The following TMEM132D variants were observed in gnomAD, a reference collection of about 807,000 sequenced individuals.
TMEM132D encodes the protein mature OL transmembrane protein.
Under a neutral mutation model 62.3 loss-of-function variants are expected in TMEM132D, and 21 were observed. The ratio of observed to expected loss-of-function variants is 0.34; its 90% CI spans 0.24 to 0.49. The LOEUF (loss-of-function observed/expected upper bound fraction) is 0.49. TMEM132D is among the 20% of genes least tolerant of loss of function. The pLI is 0.99. For synonymous variants in TMEM132D, 621 were observed against 575.6 expected, an observed-to-expected ratio of 1.08 and a Z score of -1.13; for missense variants, 1,346 against 1,402.8, an observed-to-expected ratio of 0.96 and a Z score of 0.65.
At chr12:129,535,878 T>C (rs1371142408) in intron 2 of TMEM132D, among the ~76,000 whole-genome samples, 1 of 151,872 alleles carries the variant, frequency 6.6e-6, no homozygotes, top group African/African-American at 2.4e-5. Context: ...AGAGAAGTTT[T>C]GCTATATAGA....
At chr12:129,625,031 C>A (rs1352926449) in intron 2 of TMEM132D, among the ~76,000 whole-genome samples, 1 of 152,196 alleles carries the variant, frequency 6.6e-6, no homozygotes, top group Non-Finnish European at 1.5e-5. Flanking sequence ...TGACAGATGC[C>A]TTCACATTTT....
intron 1 of TMEM132D, among the ~76,000 whole-genome samples, chr12:129,770,393 C>T (rs954320932): frequency 3.9e-5 from 6 of 152,150 alleles, no homozygotes; most frequent in South Asian, 2.1e-4. Flanking sequence ...CTGCCTGCCT[C>T]GGCCTCCCAA....
intron 5 of TMEM132D, among the ~76,000 whole-genome samples, chr12:129,176,491 T>C (rs1436213090): frequency 1.3e-5 from 2 of 152,256 alleles, no homozygotes; most frequent in Non-Finnish European, 2.9e-5. Flanking sequence ...TCCCTCTGCT[T>C]GGCCAAGGCC....
intron 3 of TMEM132D, among the ~76,000 whole-genome samples, chr12:129,479,072 A>C (rs1874354963): frequency 6.6e-6 from 1 of 152,220 alleles, no homozygotes; most frequent in South Asian, 2.1e-4. Flanking sequence ...TAGTTAGTTG[A>C]GACCATCTGC....
intron 5 of TMEM132D, among the ~76,000 whole-genome samples, chr12:129,092,638 T>C (rs1322825677): frequency 1.3e-5 from 2 of 152,130 alleles, no homozygotes; most frequent in Non-Finnish European, 2.9e-5. Flanking sequence ...GAGGTTGCAG[T>C]GAGCTGAGAC....
At chr12:129,670,739 C>T (rs1880483687) in intron 2 of TMEM132D, among the ~76,000 whole-genome samples, 1 of 152,168 alleles carries the variant, frequency 6.6e-6, no homozygotes, top group Admixed American at 6.6e-5. Flanking sequence ...TCTGTCTAGG[C>T]AGTAGGCAAG....
At chr12:129,394,411 T>C (rs1042142327) in intron 3 of TMEM132D, among the ~76,000 whole-genome samples, 2 of 152,222 alleles carry the variant, frequency 1.3e-5, no homozygotes, top group Admixed American at 6.5e-5. Context: ...AATACAATTA[T>C]TGAGATCAGT....
chr12:129,794,480 C>G (rs1871503018), intron 1 of TMEM132D, among the ~76,000 whole-genome samples: 1 of 152,002 alleles, frequency 6.6e-6, no homozygotes, highest in African/African-American at 2.4e-5. Flanking sequence ...TATACTTATT[C>G]ATTTATATTT....
chr12:129,868,217 G>A (rs1874122500), intron 1 of TMEM132D, among the ~76,000 whole-genome samples: 1 of 151,566 alleles, frequency 6.6e-6, no homozygotes, highest in Non-Finnish European at 1.5e-5. Context: ...ATGAGGCAGC[G>A]TTTCTATGGT....
intron 4 of TMEM132D, among the ~76,000 whole-genome samples, chr12:129,310,112 G>T (rs1881937611): frequency 6.6e-6 from 1 of 152,066 alleles, no homozygotes; most frequent in South Asian, 2.1e-4. Context: ...ATGAGGGCTG[G>T]CCAAGGAGTA....
At chr12:129,110,696 C>A (rs1470404048) in intron 5 of TMEM132D, 1 of 152,216 alleles carries the variant, frequency 6.6e-6, no homozygotes, top group Non-Finnish European at 1.5e-5. Flanking sequence ...AGGTCAGCCC[C>A]CTGGCTCTGC....
chr12:129,506,799 G>T (rs936690759), intron 3 of TMEM132D, among the ~76,000 whole-genome samples: 2 of 152,138 alleles, frequency 1.3e-5, no homozygotes, highest in African/African-American at 4.8e-5. Context: ...ATTGGCTTAG[G>T]CAAGGATTTC....
chr12:129,264,158 G>A (rs1461200632), intron 4 of TMEM132D, among the ~76,000 whole-genome samples: 1 of 152,198 alleles, frequency 6.6e-6, no homozygotes, highest in East Asian at 1.9e-4. Flanking sequence ...GAAGGCCAAG[G>A]CAGGTGGATC....
chr12:129,333,059 G>C (rs2135653029), intron 4 of TMEM132D, among the ~76,000 whole-genome samples: 1 of 152,212 alleles, frequency 6.6e-6, no homozygotes, highest in Non-Finnish European at 1.5e-5. Flanking sequence ...AAAGGTCTAA[G>C]AATAAATTGA....
chr12:129,792,956 A>T (rs1871444213), intron 1 of TMEM132D, among the ~76,000 whole-genome samples: 1 of 152,092 alleles, frequency 6.6e-6, no homozygotes, highest in Non-Finnish European at 1.5e-5. Flanking sequence ...TCTACCCAAT[A>T]TTTCTTTCTG....
In TMEM132D at chr12:129,899,419, A is replaced by G. The variant is rs56911148; in HGVS notation, c.79+3842T>C. ...AATGGATGGATGCATGGATGGATGGATGGATGGATGGATGGATGGGTGGAT... is the reference window on the plus strand; with the variant it reads ...AATGGATGGATGCATGGATGGATGGGTGGATGGATGGATGGATGGGTGGAT... On this transcript the variant is annotated intron_variant, in intron 1 of 8. Transcript: ENST00000422113. Among the ~76,000 whole-genome samples, 418 of 148,524 alleles carry G rather than the reference A, an allele frequency of 2.8e-3. 12 individuals are homozygous for G. The East Asian group carries it at 0.065, about 23-fold the overall frequency.
At chr12:129,402,797 C>T (rs1300875188) in intron 3 of TMEM132D, among the ~76,000 whole-genome samples, 2 of 152,026 alleles carry the variant, frequency 1.3e-5, no homozygotes, top group African/African-American at 4.8e-5. Flanking sequence ...CCACCATCTG[C>T]AGCAATGGAA....
chr12:129,813,851 T>C (rs533318577), intron 1 of TMEM132D, among the ~76,000 whole-genome samples: 61 of 152,036 alleles, frequency 4.0e-4, no homozygotes, highest in African/African-American at 1.2e-3. Context: ...AACAAGGGCG[T>C]CAACACAACT....
rs117177193 is a variant in TMEM132D at position 129,768,458 on chromosome 12, C to T, written c.80-67760G>A. Among the ~76,000 whole-genome samples the T allele has an allele frequency of 1.7e-3, 254 of 149,992 alleles. 3 individuals are homozygous for T. The East Asian group carries it at 0.032, about 19-fold the overall frequency. ...AATGTGGTTTTTAATTTTTTAAGGA[C>T]GGTTCCTTAAAAATTTAAGGAACCA... On this transcript the variant is annotated intron_variant, in intron 1 of 8. Transcript: ENST00000422113.
Sources: gnomAD v4.1 joint callset for allele counts (sites outside exome capture counted in the v4.1 genomes callset) on GRCh38, gnomAD v4.1.1 for gene constraint, MANE v1.5 for transcripts, NCBI Gene and HGNC (gene_info 2026-07-23, HGNC 2026-07-21) for gene names.